Variants in ATP8A2 observed in about 807,000 individuals in gnomAD.
The protein encoded by ATP8A2 is ATPase phospholipid transporting 8A2.
A neutral mutation model predicts 165.6 loss-of-function variants in ATP8A2; 100 were observed. That is an observed-to-expected ratio of 0.60 (90% CI 0.51 to 0.71). ATP8A2 has a LOEUF of 0.71. Among genes scored for constraint, ATP8A2 ranks in the 30% least tolerant of loss-of-function variants. The probability of loss-of-function intolerance (pLI) is 0.00; values close to 1 mark genes in which losing one functional copy is unlikely to be tolerated. For missense variants in ATP8A2, 1,227 were observed against 1,479.5 expected (o/e 0.83, Z 2.80); for synonymous variants, 543 against 548.8 (o/e 0.99, Z 0.15).
chr13:25,837,889 T>C (rs1293199076), intron 29 of ATP8A2, among the ~76,000 whole-genome samples: 2 of 152,062 alleles, frequency 1.3e-5, no homozygotes, highest in East Asian at 1.9e-4. Context: ...GCGCCAAAGC[T>C]GGGTGGGGTG....
In ATP8A2 at chr13:25,993,588, A is replaced by C. The variant is rs972978734; in HGVS notation, c.3378-18943A>C. Among the ~76,000 whole-genome samples the C allele has an allele frequency of 3.3e-5, 5 of 152,266 alleles. No homozygotes were observed. The East Asian group carries it at 9.7e-4, about 29-fold the overall frequency. ...TCTGTGCATATATAGTTGTTCCAGC[A>C]CCATTTGTCAAAAAGGCTTTCTTCC... On this transcript the variant is annotated intron_variant, in intron 35 of 36. Coordinates refer to ENST00000381655, the MANE Select transcript of ATP8A2 (RefSeq NM_016529.6).
chr13:25,785,261 A>C lies in ATP8A2; in HGVS notation c.2679+10302A>C, dbSNP rs139413782. 1.8e-3 allele frequency among the ~76,000 whole-genome samples: 267 copies of C among 151,776 alleles called. 2 individuals carry two copies. The highest frequency in any genetic ancestry group is 5.9e-3 in the African/African-American group (246 of 41,444). On this transcript the variant is annotated intron_variant, in intron 27 of 36. Transcript: ENST00000381655. ...TAAAAATACAAAAAGTTAACCGGAC[A>C]TGGGGGCACACACCTGTAATCTCAG...
intron 24 of ATP8A2, among the ~76,000 whole-genome samples, chr13:25,681,404 GTTTAC>G (rs1236567186): frequency 6.6e-6 from 1 of 152,194 alleles, no homozygotes; most frequent in Non-Finnish European, 1.5e-5. Flanking sequence ...ACCCCATAGT[GTTTAC>G]TTTAATTTTT....
intron 30 of ATP8A2, among the ~76,000 whole-genome samples, chr13:25,846,909 A>G (rs9319246): frequency 0.015 from 2,278 of 152,362 alleles, 73 homozygotes; most frequent in African/African-American, 0.049. Flanking sequence ...AGTCATAAAG[A>G]GCAACAAAAT....
At chr13:25,788,390 A>G (rs900526027) in intron 27 of ATP8A2, among the ~76,000 whole-genome samples, 1 of 152,232 alleles carries the variant, frequency 6.6e-6, no homozygotes, top group Non-Finnish European at 1.5e-5. Context: ...GGGTTTTCCT[A>G]TATGAGTTTA....
Position 25,579,873 on chromosome 13 carries a change from G to A in ATP8A2, c.1933G>A (p.Val645Ile), listed in dbSNP as rs764960964. 5 of 1,614,082 alleles carry A rather than the reference G, an allele frequency of 3.1e-6. No individual in the cohort carries two copies. In the South Asian group the frequency reaches 5.5e-5, roughly 18 times the overall value. Reference sequence around the variant, plus strand: ...GAATGAGTATGAGGAGTGGCTGAAAGTCTATCAGGAAGCCAGCACCATATT... The same window carrying A: ...GAATGAGTATGAGGAGTGGCTGAAAATCTATCAGGAAGCCAGCACCATATT... Reference protein sequence around the residue: ...SENEYEEWLKVYQEASTILKD... With the variant: ...SENEYEEWLKIYQEASTILKD... The change falls in exon 22 of 37, where the codon GTC becomes ATC. Residue 645 changes from valine (V) to isoleucine (I), a missense_variant. Val to Ile is a conservative substitution (Grantham distance 29). Around this residue, in one of 5 missense-constraint regions of ATP8A2, gnomAD observed 592 missense variants for 785.6 expected, o/e 0.75. Coordinates refer to ENST00000381655, the MANE Select transcript of ATP8A2 (RefSeq NM_016529.6).
intron 25 of ATP8A2, among the ~76,000 whole-genome samples, chr13:25,724,682 C>G (rs2138051833): frequency 1.3e-5 from 2 of 152,248 alleles, no homozygotes; most frequent in South Asian, 4.1e-4. Flanking sequence ...GTCCTTGGGT[C>G]ATTTCCTGGG....
intron 33 of ATP8A2, among the ~76,000 whole-genome samples, chr13:25,886,095 G>A (rs963093815): frequency 6.6e-6 from 1 of 152,156 alleles, no homozygotes; most frequent in East Asian, 1.9e-4. Context: ...TTTGAAAGAA[G>A]CTTTTCCTCC....
At chr13:25,983,611 A>G (rs1956214901) in intron 35 of ATP8A2, among the ~76,000 whole-genome samples, 1 of 152,224 alleles carries the variant, frequency 6.6e-6, no homozygotes, top group African/African-American at 2.4e-5. Flanking sequence ...GTCAACTTGG[A>G]TAAAACTAGG....
chr13:25,466,121 G>A (rs1193809974), intron 1 of ATP8A2, among the ~76,000 whole-genome samples: 1 of 152,070 alleles, frequency 6.6e-6, no homozygotes, highest in Admixed American at 6.5e-5. Flanking sequence ...GAAACTTCCT[G>A]TGGCCTCCTG....
intron 30 of ATP8A2, among the ~76,000 whole-genome samples, chr13:25,845,913 T>G (rs1392714403): frequency 2.6e-5 from 4 of 152,224 alleles, no homozygotes; most frequent in African/African-American, 9.6e-5. Context: ...CGGTGGCTCA[T>G]GCCTGTAATC....
rs147871089 is a variant in ATP8A2, at chr13:25,393,551, G to A, written c.76+21263G>A. On this transcript the variant is annotated intron_variant, in intron 1 of 36. Transcript: ENST00000381655. ...CTGCCTCAGCCTCCAGAGTAGCTGG[G>A]ATTACAGGTATGTACCACCATGCCC... 9.2e-3 allele frequency among the ~76,000 whole-genome samples: 1,395 copies of A among 152,238 alleles called. 22 individuals are homozygous for A. Among genetic ancestry groups the A allele is most frequent in the African/African-American group, 0.032 (1,330 of 41,524 alleles).
intron 27 of ATP8A2, among the ~76,000 whole-genome samples, chr13:25,786,488 A>G (rs1340582395): frequency 1.3e-5 from 2 of 152,220 alleles, no homozygotes; most frequent in South Asian, 2.1e-4. Context: ...TTACCCAGGA[A>G]TTATAGGATG....
At chr13:25,535,855 A>G (rs571259838) in intron 6 of ATP8A2, among the ~76,000 whole-genome samples, 1 of 152,252 alleles carries the variant, frequency 6.6e-6, no homozygotes, top group East Asian at 1.9e-4. Flanking sequence ...TTTTTTTTCA[A>G]GCAAAATCCA....
At chr13:25,565,561 C>T (rs2039288377) in intron 16 of ATP8A2, among the ~76,000 whole-genome samples, 1 of 152,140 alleles carries the variant, frequency 6.6e-6, no homozygotes, top group South Asian at 2.1e-4. Flanking sequence ...TCTTAGCCCA[C>T]TTTTTGATGA....
intron 1 of ATP8A2, among the ~76,000 whole-genome samples, chr13:25,411,341 G>T (rs1044101078): frequency 2.0e-5 from 3 of 152,200 alleles, no homozygotes; most frequent in Non-Finnish European, 2.9e-5. Context: ...CTAGTACTGT[G>T]AGAGGAGACC....
At chr13:25,681,218 A>G (rs2042480487) in intron 24 of ATP8A2, among the ~76,000 whole-genome samples, 2 of 152,144 alleles carry the variant, frequency 1.3e-5, no homozygotes, top group Non-Finnish European at 2.9e-5. Flanking sequence ...GTGTCCAGAT[A>G]CCCGGCATGC....
chr13:25,513,248 G>A (rs1003847759), intron 2 of ATP8A2, among the ~76,000 whole-genome samples: 11 of 151,936 alleles, frequency 7.2e-5, no homozygotes, highest in Non-Finnish European at 1.5e-4. Flanking sequence ...AGACGGGGCG[G>A]CTGGGCAGAG....
At chr13:25,840,875 C>G (rs1474729963) in intron 30 of ATP8A2, among the ~76,000 whole-genome samples, 1 of 152,128 alleles carries the variant, frequency 6.6e-6, no homozygotes, top group Non-Finnish European at 1.5e-5. Context: ...ATACCTGAGC[C>G]CAGGCTTTGG....
Sources: gnomAD v4.1 joint callset for allele counts (sites outside exome capture counted in the v4.1 genomes callset) on GRCh38, gnomAD v4.1.1 for gene constraint, gnomAD v4.1.1 regional missense constraint, MANE v1.5 for transcripts, NCBI Gene and HGNC (gene_info 2026-07-23, HGNC 2026-07-21) for gene names.